RIT2: variants seen among roughly 807,000 people sequenced by gnomAD.
RIT2 encodes Ras like without CAAX 2.
In RIT2, 24 loss-of-function variants were observed where a neutral mutation model predicts 23.7. That is an observed-to-expected ratio of 1.01 (90% confidence interval 0.73 to 1.43). The LOEUF (loss-of-function observed/expected upper bound fraction) is 1.43. RIT2 is among the 40% of genes most tolerant of loss of function. The probability of loss-of-function intolerance (pLI) is 0.00; values close to 1 mark genes in which losing one functional copy is unlikely to be tolerated. For synonymous variants in RIT2, 107 were observed against 91.1 expected (o/e 1.17, Z -0.99); for missense variants, 236 against 266.9 (o/e 0.88, Z 0.81).
At chr18:42,755,989 G>C (rs182410930) in intron 4 of RIT2, among the ~76,000 whole-genome samples, 12 of 152,008 alleles carry the variant, frequency 7.9e-5, no homozygotes, top group Admixed American at 6.6e-5. Flanking sequence ...GATGCTGGGG[G>C]AATAGGAAGG....
At chr18:42,800,586 A>G (rs555551125) in intron 4 of RIT2, among the ~76,000 whole-genome samples, 18 of 140,222 alleles carry the variant, frequency 1.3e-4, no homozygotes, top group African/African-American at 4.6e-4. Flanking sequence ...GCTGGCGTGG[A>G]GTGGCGCCAT....
chr18:42,804,020 G>A (rs902378432), intron 4 of RIT2, among the ~76,000 whole-genome samples: 71 of 152,228 alleles, frequency 4.7e-4, no homozygotes, highest in Non-Finnish European at 2.2e-4. Flanking sequence ...TGAGCCGAAA[G>A]GACTTGACAC....
At chr18:43,021,391 G>A (rs544357728) in intron 2 of RIT2, among the ~76,000 whole-genome samples, 6 of 152,058 alleles carry the variant, frequency 3.9e-5, no homozygotes, top group South Asian at 2.1e-4. Context: ...AACAGATCCC[G>A]GCAAGGATGT....
intron 2 of RIT2, among the ~76,000 whole-genome samples, chr18:42,995,545 G>A (rs183121937): frequency 6.6e-6 from 1 of 152,240 alleles, no homozygotes; most frequent in East Asian, 1.9e-4. Context: ...AATCAGTCAA[G>A]CATTTTTTCA....
intron 4 of RIT2, among the ~76,000 whole-genome samples, chr18:42,812,776 C>T (rs999824353): frequency 1.3e-5 from 2 of 152,118 alleles, no homozygotes; most frequent in Admixed American, 6.5e-5. Flanking sequence ...CTGATTTATT[C>T]AAGAGTTTGT....
At position 42,822,327 on chromosome 18, in the gene RIT2, A is replaced by G. The variant is rs138782983; in HGVS notation, c.427-78607T>C. 9.0e-3 allele frequency among the ~76,000 whole-genome samples: 1,377 copies of G among 152,250 alleles called. 16 individuals carry two copies. Among genetic ancestry groups the G allele is most frequent in the African/African-American group, 0.029 (1,220 of 41,554 alleles). On this transcript the variant is annotated intron_variant, in intron 4 of 4. Coordinates refer to ENST00000326695, the MANE Select transcript of RIT2 (RefSeq NM_002930.4). The stretch of plus-strand genomic sequence containing the variant: ...CCTAATTATAATTGGCTCAATGGCT[A>G]ATCATGCATAAAACTTGGGATCCAA...
chr18:43,062,319 G>C (rs1912667347), intron 1 of RIT2, among the ~76,000 whole-genome samples: 1 of 152,094 alleles, frequency 6.6e-6, no homozygotes, highest in Non-Finnish European at 1.5e-5. Context: ...AGACAAAAAA[G>C]AGGTAATTCC....
intron 4 of RIT2, among the ~76,000 whole-genome samples, chr18:42,773,137 G>A (rs1913590448): frequency 7.6e-6 from 1 of 131,380 alleles, no homozygotes; most frequent in Admixed American, 8.6e-5. Flanking sequence ...CTAAATATTG[G>A]TGTTTTCTTA....
At chr18:42,933,321 T>C (rs1909373738) in intron 3 of RIT2, among the ~76,000 whole-genome samples, 1 of 152,322 alleles carries the variant, frequency 6.6e-6, no homozygotes, top group East Asian at 1.9e-4. Context: ...TTAAAGGACA[T>C]GCCTGTACAA....
intron 4 of RIT2, among the ~76,000 whole-genome samples, chr18:42,749,955 A>G (rs1207788679): frequency 6.6e-6 from 1 of 151,820 alleles, no homozygotes; most frequent in East Asian, 1.9e-4. Context: ...AAACACTGAA[A>G]GCAACACAAA....
intron 4 of RIT2, among the ~76,000 whole-genome samples, chr18:42,754,279 T>C (rs768123934): frequency 2.6e-4 from 39 of 152,078 alleles, no homozygotes; most frequent in Non-Finnish European, 5.6e-4. Context: ...CTCCTGGTCT[T>C]GGTATCAAAA....
At chr18:42,860,146 T>C (rs1032503835) in intron 4 of RIT2, among the ~76,000 whole-genome samples, 6 of 152,126 alleles carry the variant, frequency 3.9e-5, no homozygotes, top group Non-Finnish European at 8.8e-5. Flanking sequence ...AGACAAACCA[T>C]GTGAGTGAGA....
intron 2 of RIT2, among the ~76,000 whole-genome samples, chr18:43,021,471 T>C (rs1007767888): frequency 5.3e-5 from 8 of 152,092 alleles, no homozygotes; most frequent in Non-Finnish European, 1.2e-4. Context: ...TTTGGATTTA[T>C]GTCTCCACCC....
At chr18:42,967,536 A>ATTTTTT (rs397940927) in intron 3 of RIT2, among the ~76,000 whole-genome samples, 39 of 80,756 alleles carry the variant, frequency 4.8e-4, no homozygotes, top group East Asian at 2.9e-3. Flanking sequence ...CGCCCGGCTA[A>ATTTTTT]TTTTTTTTTT....
intron 4 of RIT2, among the ~76,000 whole-genome samples, chr18:42,805,832 C>T (rs934364614): frequency 2.0e-5 from 3 of 152,060 alleles, no homozygotes; most frequent in Non-Finnish European, 4.4e-5. Flanking sequence ...AAATACTGCT[C>T]ATGCTTTCCT....
chr18:42,971,110 G>A (rs2144200185), intron 3 of RIT2, among the ~76,000 whole-genome samples: 1 of 151,846 alleles, frequency 6.6e-6, no homozygotes, highest in African/African-American at 2.4e-5. Context: ...CTACTTCCTG[G>A]ATTTGTTGTA....
Position 43,115,529 on chromosome 18 carries a change from G to C in RIT2, c.-10C>G. 6.2e-7 allele frequency: 1 copy of C among 1,604,328 alleles called. No homozygotes were observed. Among genetic ancestry groups the C allele is most frequent in the Non-Finnish European group, 8.5e-7 (1 of 1,177,318 alleles). On this transcript the variant is annotated 5_prime_UTR_variant, in exon 1 of 5. Coordinates refer to ENST00000326695, the MANE Select transcript of RIT2 (RefSeq NM_002930.4). ...CATTTTCTACCTCCATCTTACCCGA[G>C]GGACCGGAGGAAAAAAAGAAGGAGA...
chr18:43,076,372 A>C (rs1009538313), intron 1 of RIT2, among the ~76,000 whole-genome samples: 1 of 152,016 alleles, frequency 6.6e-6, no homozygotes, highest in Admixed American at 6.6e-5. Flanking sequence ...CTCAGTAAGT[A>C]TTTATTGAGC....
rs1912834382 is a variant in RIT2 at position 42,743,248 on chromosome 18, T to G, written c.*245A>C. On this transcript the variant is annotated 3_prime_UTR_variant, in exon 5 of 5. Transcript: ENST00000326695. ...GAAATGAGGCAATTGGAATGTCAATTTTATTTAGTACTATGTTGTAAAAAC... is the reference window on the plus strand; with the variant it reads ...GAAATGAGGCAATTGGAATGTCAATGTTATTTAGTACTATGTTGTAAAAAC... The G allele has an allele frequency of 2.1e-6, 1 of 471,082 alleles. No homozygotes were observed. The allele number at this position is 471,082 out of a possible 1,614,324, so 29.2% of individuals were successfully genotyped here. A position where few individuals can be genotyped will look rare whatever the true frequency, so the allele number is the denominator to read the frequency against.
Sources: gnomAD v4.1 joint callset for allele counts (sites outside exome capture counted in the v4.1 genomes callset) on GRCh38, gnomAD v4.1.1 for gene constraint, MANE v1.5 for transcripts, NCBI Gene and HGNC (gene_info 2026-07-23, HGNC 2026-07-21) for gene names.